XKR9: variants seen among roughly 807,000 people sequenced by gnomAD.
XKR9 encodes XK-related protein 9.
Under a neutral mutation model 32.0 loss-of-function variants are expected in XKR9, and 32 were observed. The ratio of observed to expected loss-of-function variants is 1.00; its 90% CI spans 0.76 to 1.34. XKR9 has a LOEUF of 1.34. XKR9 is among the 40% of genes most tolerant of loss of function. XKR9 has a pLI of 0.00. For missense variants in XKR9, 546 were observed against 429.7 expected, an observed-to-expected ratio of 1.27 and a Z score of -2.39; for synonymous variants, 168 against 143.4, an observed-to-expected ratio of 1.17 and a Z score of -1.22.
the XKR9 span, among the ~76,000 whole-genome samples, chr8:70,811,635 A>C: frequency 6.7e-3 from 1,019 of 152,342 alleles, 5 homozygotes; most frequent in South Asian, 0.017. Context: ...CAGAAATACA[A>C]ACTACCATCA....
At chr8:70,874,321 A>G in the XKR9 span, among the ~76,000 whole-genome samples, 78 of 152,188 alleles carry the variant, frequency 5.1e-4, no homozygotes, top group Non-Finnish European at 6.5e-4. Flanking sequence ...ATTCCTGCTA[A>G]TTATGTAAGA....
At chr8:70,930,483 A>G in the XKR9 span, among the ~76,000 whole-genome samples, 1 of 152,216 alleles carries the variant, frequency 6.6e-6, no homozygotes, top group South Asian at 2.1e-4. Flanking sequence ...ATTAAAGTCA[A>G]CAAGACAGCA....
the XKR9 span, among the ~76,000 whole-genome samples, chr8:70,895,688 GA>G: frequency 1.3e-5 from 2 of 151,966 alleles, no homozygotes; most frequent in African/African-American, 4.8e-5. Context: ...GGTTGAGGAA[GA>G]AAGTTCTCTT....
chr8:70,788,850 G>T (rs1056912262), intron 2 of XKR9, among the ~76,000 whole-genome samples: 6 of 152,092 alleles, frequency 3.9e-5, no homozygotes, highest in African/African-American at 1.4e-4. Flanking sequence ...GGAAGGCCTG[G>T]ATGTGAGAGT....
chr8:71,008,293 C>A, the XKR9 span, among the ~76,000 whole-genome samples: 1 of 152,102 alleles, frequency 6.6e-6, no homozygotes, highest in South Asian at 2.1e-4. Flanking sequence ...GCTCCTATGT[C>A]CCAATAAAAA....
the XKR9 span, among the ~76,000 whole-genome samples, chr8:71,045,551 C>T: frequency 1.3e-5 from 2 of 152,178 alleles, no homozygotes; most frequent in Admixed American, 1.3e-4. Flanking sequence ...TACCAGGGAA[C>T]AGAACGAGGT....
intron 2 of XKR9, among the ~76,000 whole-genome samples, chr8:70,783,353 A>C (rs1199843368): frequency 6.6e-6 from 1 of 151,962 alleles, no homozygotes; most frequent in East Asian, 1.9e-4. Context: ...CAGCCTCCCA[A>C]GTAGCTGGGA....
At position 70,711,991 on chromosome 8, in the gene XKR9, G is replaced by GA. The variant is rs924717222; in HGVS notation, c.493+4846dup. Among the ~76,000 whole-genome samples, 24 of 152,032 alleles carry GA rather than the reference G, an allele frequency of 1.6e-4. No individual in the cohort carries two copies. The South Asian group carries it at 2.7e-3, about 17-fold the overall frequency. Reference sequence around the variant, plus strand: ...ACCCCTTGAAACTTAAAAGTTGGAAGAAAAAAAAGTCAGGTTGTGTATAGT... The same window carrying GA: ...ACCCCTTGAAACTTAAAAGTTGGAAGAAAAAAAAAGTCAGGTTGTGTATAGT... On this transcript the variant is annotated intron_variant, in intron 4 of 4. Transcript: ENST00000408926.
rs116753692 is a variant in XKR9, at chr8:70,728,893, G to A, written c.494-4903G>A. Among the ~76,000 whole-genome samples the A allele has an allele frequency of 3.1e-3, 466 of 152,242 alleles. 1 individual carries two copies. Among genetic ancestry groups the A allele is most frequent in the African/African-American group, 0.011 (437 of 41,534 alleles). ...AGATATTTTAAAGCCGAGCACAGCC[G>A]TGGGCTTGTACCTCAAATACCTATG... On this transcript the variant is annotated intron_variant, in intron 4 of 4. Transcript: ENST00000408926.
intron 3 of XKR9, among the ~76,000 whole-genome samples, chr8:70,702,576 A>G (rs1205131396): frequency 1.3e-5 from 2 of 151,982 alleles, no homozygotes; most frequent in South Asian, 2.1e-4. Context: ...ACCTTTGTCA[A>G]TTTTTGCTTT....
At chr8:70,907,581 G>T in the XKR9 span, among the ~76,000 whole-genome samples, 1 of 152,116 alleles carries the variant, frequency 6.6e-6, no homozygotes, top group Non-Finnish European at 1.5e-5. Context: ...CAGATTTGGG[G>T]GAGAGGGGTT....
chr8:70,700,314 T>C (rs930422408), intron 3 of XKR9, among the ~76,000 whole-genome samples: 1 of 152,220 alleles, frequency 6.6e-6, no homozygotes, highest in East Asian at 1.9e-4. Context: ...TTTGTGGTTT[T>C]ATCTACTTTT....
chr8:70,726,037 C>T (rs1384251237), intron 4 of XKR9, among the ~76,000 whole-genome samples: 2 of 152,158 alleles, frequency 1.3e-5, no homozygotes, highest in Non-Finnish European at 1.5e-5. Flanking sequence ...TATAATGTGT[C>T]TGAGCAGAAT....
chr8:70,979,317 G>A, the XKR9 span, among the ~76,000 whole-genome samples: 12 of 152,274 alleles, frequency 7.9e-5, no homozygotes, highest in East Asian at 2.3e-3. Flanking sequence ...GAGAAGGGGT[G>A]CTGGGTTTTT....
At chr8:70,809,408 G>A in the XKR9 span, among the ~76,000 whole-genome samples, 37 of 152,320 alleles carry the variant, frequency 2.4e-4, no homozygotes, top group East Asian at 2.7e-3. Context: ...CCAAAGGAAC[G>A]CAGCTCCTCA....
chr8:70,871,715 C>A, the XKR9 span, among the ~76,000 whole-genome samples: 2 of 152,088 alleles, frequency 1.3e-5, no homozygotes, highest in African/African-American at 2.4e-5. Flanking sequence ...CACTTAATAA[C>A]CATACAATGG....
chr8:70,802,783 T>A, the XKR9 span, among the ~76,000 whole-genome samples: 1 of 152,084 alleles, frequency 6.6e-6, no homozygotes, highest in African/African-American at 2.4e-5. Flanking sequence ...ATTTATTTTA[T>A]TTAAGAATGC....
chr8:70,951,869 G>GC, the XKR9 span, among the ~76,000 whole-genome samples: 10 of 100,534 alleles, frequency 9.9e-5, no homozygotes, highest in Admixed American at 2.2e-4. Flanking sequence ...AGCATCATTG[G>GC]GGGGGGGGTG....
chr8:70,852,641 T>A, the XKR9 span, among the ~76,000 whole-genome samples: 1 of 152,124 alleles, frequency 6.6e-6, no homozygotes, highest in African/African-American at 2.4e-5. Flanking sequence ...AAATGTGGCA[T>A]ATATACACCA....
Sources: gnomAD v4.1 joint callset for allele counts (sites outside exome capture counted in the v4.1 genomes callset) on GRCh38, gnomAD v4.1.1 for gene constraint, MANE v1.5 for transcripts, NCBI Gene and HGNC (gene_info 2026-07-23, HGNC 2026-07-21) for gene names.